PLOD2: variants seen among roughly 807,000 people sequenced by gnomAD.
PLOD2 encodes the protein lysine hydroxylase 2.
A neutral mutation model predicts 101.0 loss-of-function variants in PLOD2; 65 were observed. That is an observed-to-expected ratio of 0.64 (90% CI 0.53 to 0.79). PLOD2 has a LOEUF of 0.79. Ranked by LOEUF, PLOD2 falls within the 30% of genes least tolerant of loss-of-function variation. The pLI is 0.00. For missense variants in PLOD2, 909 were observed against 914.6 expected (o/e 0.99, Z 0.08); for synonymous variants, 314 against 302.9 (o/e 1.04, Z -0.38).
chr3:146,142,401 T>C (rs937539887), intron 1 of PLOD2, among the ~76,000 whole-genome samples: 9 of 152,114 alleles, frequency 5.9e-5, no homozygotes, highest in African/African-American at 2.2e-4. Flanking sequence ...TGCTTCTCTC[T>C]ACTGTTTTTT....
chr3:146,108,429 T>C (rs977523985), intron 4 of PLOD2, among the ~76,000 whole-genome samples: 7 of 152,170 alleles, frequency 4.6e-5, no homozygotes, highest in Admixed American at 1.3e-4. Flanking sequence ...GTCACCTTCC[T>C]GTCTAGGCCT....
At chr3:146,136,090 G>A (rs2031213808) in intron 1 of PLOD2, among the ~76,000 whole-genome samples, 1 of 151,818 alleles carries the variant, frequency 6.6e-6, no homozygotes, top group South Asian at 2.1e-4. Flanking sequence ...ATTTTTCTAT[G>A]ACTTTTTAAA....
At chr3:146,095,905 C>G (rs1201306258) in intron 7 of PLOD2, among the ~76,000 whole-genome samples, 7 of 139,540 alleles carry the variant, frequency 5.0e-5, no homozygotes, top group Middle Eastern at 3.4e-3. Context: ...CCCCCTCCCC[C>G]CTCTCCCTCC....
chr3:146,152,993 G>A (rs1357159781), intron 1 of PLOD2, among the ~76,000 whole-genome samples: 2 of 152,176 alleles, frequency 1.3e-5, no homozygotes, highest in Non-Finnish European at 2.9e-5. Flanking sequence ...CTCTAGACGT[G>A]GCCGGCAGGA....
At chr3:146,114,064 T>C (rs75267299) in intron 3 of PLOD2, among the ~76,000 whole-genome samples, 1,570 of 152,240 alleles carry the variant, frequency 0.01, 33 homozygotes, top group African/African-American at 0.036. Context: ...CCCAGGCCTA[T>C]TAGGACGAGG....
intron 1 of PLOD2, among the ~76,000 whole-genome samples, chr3:146,124,809 T>A (rs949834995): frequency 6.6e-6 from 1 of 152,142 alleles, no homozygotes; most frequent in Admixed American, 6.5e-5. Context: ...AGCGACAACA[T>A]TATTTATTGT....
chr3:146,089,700 T>A (rs886321416), intron 8 of PLOD2, among the ~76,000 whole-genome samples: 1 of 151,650 alleles, frequency 6.6e-6, no homozygotes, highest in African/African-American at 2.4e-5. Flanking sequence ...TCATATTTCT[T>A]CATCTATTCA....
At chr3:146,073,445 T>A (rs1350202120) in intron 15 of PLOD2, 93 bp from the exon 16 acceptor site, 1 of 519,732 alleles carries the variant, frequency 1.9e-6, no homozygotes, top group Non-Finnish European at 3.5e-6. Flanking sequence ...ATTCAACTTA[T>A]AAATGATTAT....
At chr3:146,097,661 C>A (rs527641055) in intron 7 of PLOD2, among the ~76,000 whole-genome samples, 3 of 122,750 alleles carry the variant, frequency 2.4e-5, no homozygotes, top group African/African-American at 6.3e-5. Context: ...ACAAACACTG[C>A]GGAAGGCCGC....
chr3:146,077,165 C>T (rs1471761004), intron 14 of PLOD2: 3 of 1,066,108 alleles, frequency 2.8e-6, no homozygotes, highest in Non-Finnish European at 3.4e-6. Flanking sequence ...CTCATTGATC[C>T]TAGATGTAGA....
chr3:146,134,969 G>T (rs889874163), intron 1 of PLOD2, among the ~76,000 whole-genome samples: 1 of 152,166 alleles, frequency 6.6e-6, no homozygotes, highest in African/African-American at 2.4e-5. Flanking sequence ...AAGCAGACCT[G>T]ATAAAGCGTG....
chr3:146,089,391 C>T (rs968610039), intron 8 of PLOD2, among the ~76,000 whole-genome samples: 3 of 151,358 alleles, frequency 2.0e-5, no homozygotes, highest in African/African-American at 2.4e-5. Context: ...CAATATTTGG[C>T]AAAAGGAATG....
intron 1 of PLOD2, among the ~76,000 whole-genome samples, chr3:146,159,243 T>G (rs2032450412): frequency 6.6e-6 from 1 of 152,252 alleles, no homozygotes. Flanking sequence ...TGTGGTCGTT[T>G]CCTGAGGAAA....
chr3:146,072,276 A>T (rs76344866), intron 17 of PLOD2, among the ~76,000 whole-genome samples: 1 of 35,746 alleles, frequency 2.8e-5, no homozygotes, highest in South Asian at 7.4e-4. Flanking sequence ...CTGTAAAGAC[A>T]TGTGTTACCT....
chr3:146,109,313 G>C (rs1254514001), intron 4 of PLOD2, among the ~76,000 whole-genome samples: 1 of 152,192 alleles, frequency 6.6e-6, no homozygotes, highest in Non-Finnish European at 1.5e-5. Context: ...GGTTTCAAAA[G>C]TACAAAATCT....
At chr3:146,094,425 G>A in intron 7 of PLOD2, among the ~76,000 whole-genome samples, 1 of 152,102 alleles carries the variant, frequency 6.6e-6, no homozygotes, top group East Asian at 1.9e-4. Flanking sequence ...AAAATTGCAA[G>A]CATTCCTATA....
chr3:146,094,247 C>T (rs1937072968), intron 7 of PLOD2, among the ~76,000 whole-genome samples: 1 of 152,188 alleles, frequency 6.6e-6, no homozygotes, highest in Non-Finnish European at 1.5e-5. Context: ...TTTTAAAAAT[C>T]ATATCCAATT....
chr3:146,100,546 G>T (rs1226822628), intron 7 of PLOD2, among the ~76,000 whole-genome samples: 1 of 152,214 alleles, frequency 6.6e-6, no homozygotes, highest in Non-Finnish European at 1.5e-5. Flanking sequence ...TTAGCAGGTA[G>T]AGATGCAGCA....
intron 1 of PLOD2, among the ~76,000 whole-genome samples, chr3:146,128,880 CTTTTTTTTTTTTTT>C (rs3975816): frequency 5.5e-5 from 4 of 73,182 alleles, no homozygotes; most frequent in African/African-American, 1.1e-4. Flanking sequence ...ATCTGAAATC[CTTTTTTTTTTTTTT>C]TTTTTTTTTT....
Sources: allele counts gnomAD v4.1 joint callset (sites outside exome capture counted in the v4.1 genomes callset), GRCh38; gene constraint gnomAD v4.1.1; transcripts MANE v1.5; gene names NCBI Gene and HGNC (gene_info 2026-07-23, HGNC 2026-07-21).